The following KCNIP4 variants were observed in gnomAD, a reference collection of about 807,000 sequenced individuals.
KCNIP4 encodes potassium voltage-gated channel interacting protein 4, also known as Kv channel-interacting protein 4.
Under a neutral mutation model 34.0 loss-of-function variants are expected in KCNIP4, and 12 were observed. That is an observed-to-expected ratio of 0.35 (90% CI 0.23 to 0.57). The LOEUF is 0.57. Among genes scored for constraint, KCNIP4 ranks in the 20% least tolerant of loss-of-function variants. The pLI is 0.83. For missense variants in KCNIP4, 238 were observed against 311.7 expected, an observed-to-expected ratio of 0.76 and a Z score of 1.78; for synonymous variants, 124 against 102.2, an observed-to-expected ratio of 1.21 and a Z score of -1.29.
At chr4:21,888,171 AT>A (rs1205457885) in intron 1 of KCNIP4, among the ~76,000 whole-genome samples, 1 of 152,174 alleles carries the variant, frequency 6.6e-6, no homozygotes, top group Non-Finnish European at 1.5e-5. Context: ...CAGAGCTGGG[AT>A]TCAATCTTTG....
intron 1 of KCNIP4, among the ~76,000 whole-genome samples, chr4:21,943,773 T>A (rs895303147): frequency 6.6e-6 from 1 of 151,868 alleles, no homozygotes; most frequent in Non-Finnish European, 1.5e-5. Flanking sequence ...TGGTTTTGAG[T>A]GGGGAGAAGC....
chr4:21,019,517 T>C (rs1245499898), intron 1 of KCNIP4, among the ~76,000 whole-genome samples: 1 of 152,110 alleles, frequency 6.6e-6, no homozygotes, highest in East Asian at 1.9e-4. Flanking sequence ...TACAGACACA[T>C]TCTGAGTTAC....
chr4:20,915,838 C>T (rs2149577359), intron 1 of KCNIP4, among the ~76,000 whole-genome samples: 1 of 152,226 alleles, frequency 6.6e-6, no homozygotes, highest in Non-Finnish European at 1.5e-5. Flanking sequence ...TGATAAAGAG[C>T]TTTCCCTCAG....
intron 1 of KCNIP4, among the ~76,000 whole-genome samples, chr4:21,038,664 G>A (rs1281765182): frequency 1.3e-5 from 2 of 152,236 alleles, no homozygotes; most frequent in Non-Finnish European, 2.9e-5. Flanking sequence ...AGGAATTAAA[G>A]TCTCAGAAAA....
chr4:21,404,228 C>T (rs1455246547), intron 1 of KCNIP4, among the ~76,000 whole-genome samples: 1 of 152,206 alleles, frequency 6.6e-6, no homozygotes, highest in Non-Finnish European at 1.5e-5. Context: ...TCTGTTCTCA[C>T]CCACCAGCTT....
intron 3 of KCNIP4, among the ~76,000 whole-genome samples, chr4:20,790,585 GT>G (rs1712615294): frequency 6.9e-6 from 1 of 144,052 alleles, no homozygotes; most frequent in Non-Finnish European, 1.5e-5. Flanking sequence ...AAACTTTTTT[GT>G]TAAAAACCAT....
chr4:21,791,988 G>GA (rs1428520558), intron 1 of KCNIP4, among the ~76,000 whole-genome samples: 1 of 97,866 alleles, frequency 1.0e-5, no homozygotes, highest in Non-Finnish European at 1.8e-5. Flanking sequence ...GTGACAGAAT[G>GA]AGACTCCGTC....
intron 1 of KCNIP4, among the ~76,000 whole-genome samples, chr4:21,666,827 T>G (rs1477574722): frequency 6.6e-6 from 1 of 152,140 alleles, no homozygotes; most frequent in Non-Finnish European, 1.5e-5. Flanking sequence ...TGGTGGTGAA[T>G]AAGGGGGAGG....
At chr4:21,072,620 C>T (rs1745069898) in intron 1 of KCNIP4, among the ~76,000 whole-genome samples, 1 of 152,046 alleles carries the variant, frequency 6.6e-6, no homozygotes, top group African/African-American at 2.4e-5. Context: ...ATGGTAGTCT[C>T]TTTTGCTGTG....
At chr4:21,011,860 C>T (rs1476658282) in intron 1 of KCNIP4, among the ~76,000 whole-genome samples, 3 of 152,170 alleles carry the variant, frequency 2.0e-5, no homozygotes, top group South Asian at 2.1e-4. Context: ...TTAATGCTTT[C>T]GTTTCTTCTT....
At chr4:21,342,566 T>G (rs898179658) in intron 1 of KCNIP4, among the ~76,000 whole-genome samples, 3 of 151,946 alleles carry the variant, frequency 2.0e-5, no homozygotes, top group African/African-American at 7.3e-5. Flanking sequence ...CTTTCCAATT[T>G]ACTTTAGTTT....
intron 1 of KCNIP4, among the ~76,000 whole-genome samples, chr4:21,941,187 C>A (rs1730183525): frequency 6.6e-6 from 1 of 152,072 alleles, no homozygotes; most frequent in African/African-American, 2.4e-5. Flanking sequence ...TCATGAAACT[C>A]ATGAAGACAT....
rs1226436766 is a variant in KCNIP4 at position 21,835,788 on chromosome 4, C to T, written c.61+112783G>A. Among the ~76,000 whole-genome samples, 5 of 151,982 alleles carry T rather than the reference C, an allele frequency of 3.3e-5. No individual in the cohort carries two copies. In the East Asian group the frequency reaches 9.7e-4, roughly 29 times the overall value. On this transcript the variant is annotated intron_variant, in intron 1 of 8. Coordinates refer to ENST00000382152, the MANE Select transcript of KCNIP4 (RefSeq NM_025221.6). ...ATAAAGACTAGAAGCAAACAAATAC[C>T]AATCAAAAACAGAATGGATAAATCA... is the stretch of plus-strand genomic sequence containing the variant.
At chr4:21,841,161 G>A (rs1560753809) in intron 1 of KCNIP4, among the ~76,000 whole-genome samples, 1 of 152,140 alleles carries the variant, frequency 6.6e-6, no homozygotes, top group Non-Finnish European at 1.5e-5. Context: ...TCTGAGGCAT[G>A]TTCTTTCTTA....
intron 1 of KCNIP4, among the ~76,000 whole-genome samples, chr4:21,117,765 C>T (rs889684616): frequency 1.3e-5 from 2 of 152,060 alleles, no homozygotes; most frequent in Non-Finnish European, 2.9e-5. Flanking sequence ...GCCTATTATC[C>T]TTAATGTGTC....
At chr4:21,571,614 C>G (rs1577616833) in intron 1 of KCNIP4, among the ~76,000 whole-genome samples, 1 of 152,118 alleles carries the variant, frequency 6.6e-6, no homozygotes, top group African/African-American at 2.4e-5. Context: ...AGTTTCACTG[C>G]AGAAAGCAGG....
intron 1 of KCNIP4, among the ~76,000 whole-genome samples, chr4:21,651,047 C>A (rs752963971): frequency 1.3e-5 from 2 of 152,100 alleles, no homozygotes; most frequent in African/African-American, 4.8e-5. Flanking sequence ...AAGAGCCTTG[C>A]CCTTTTAAGG....
chr4:20,794,050 C>T (rs1713128032), intron 3 of KCNIP4, among the ~76,000 whole-genome samples: 1 of 152,192 alleles, frequency 6.6e-6, no homozygotes, highest in South Asian at 2.1e-4. Flanking sequence ...TGCACAAAGT[C>T]TCTCTCTTTG....
intron 3 of KCNIP4, among the ~76,000 whole-genome samples, chr4:20,807,519 G>A (rs569091760): frequency 4.0e-4 from 61 of 152,112 alleles, no homozygotes; most frequent in African/African-American, 1.4e-3. Context: ...ATGCCTCAGA[G>A]ACATGTGTAC....
Sources: allele counts gnomAD v4.1 joint callset (sites outside exome capture counted in the v4.1 genomes callset), GRCh38; gene constraint gnomAD v4.1.1; transcripts MANE v1.5; gene names NCBI Gene and HGNC (gene_info 2026-07-23, HGNC 2026-07-21).